Variants in MSRB2 observed in about 807,000 individuals in gnomAD.
MSRB2 encodes methionine sulfoxide reductase B2, also known as methionine-R-sulfoxide reductase B2, mitochondrial.
In MSRB2, 17 loss-of-function variants were observed where a neutral mutation model predicts 19.0. That is an observed-to-expected ratio of 0.89 (90% CI 0.61 to 1.34). The LOEUF (loss-of-function observed/expected upper bound fraction) is 1.34. Among genes scored for constraint, MSRB2 ranks in the 40% most tolerant of loss-of-function variants. The pLI is 0.00. For synonymous variants in MSRB2, 107 were observed against 99.7 expected (o/e 1.07, Z -0.44); for missense variants, 208 against 237.6 (o/e 0.88, Z 0.82).
intron 2 of MSRB2, among the ~76,000 whole-genome samples, chr10:23,106,828 C>T (rs989819401): frequency 9.2e-5 from 14 of 152,182 alleles, no homozygotes; most frequent in African/African-American, 3.4e-4. Context: ...CCATTGGCCC[C>T]GTCTGCACCT....
intron 3 of MSRB2, among the ~76,000 whole-genome samples, chr10:23,112,449 G>A (rs774712297): frequency 3.9e-5 from 6 of 152,178 alleles, no homozygotes; most frequent in Non-Finnish European, 5.9e-5. Flanking sequence ...CCTGTAAAAT[G>A]AAGATAATAG....
At position 23,121,779 on chromosome 10, in the gene MSRB2, C is replaced by G. The variant is rs1840186474; in HGVS notation, c.*917C>G. 1 of 152,160 alleles carries G rather than the reference C, an allele frequency of 6.6e-6. No individual in the cohort carries two copies. The highest frequency in any genetic ancestry group is 1.5e-5 in the Non-Finnish European group (1 of 68,054). The allele number at this position is 152,160 out of a possible 1,614,324, so 9.4% of individuals were successfully genotyped here. On this transcript the variant is annotated 3_prime_UTR_variant, in exon 5 of 5. Transcript: ENST00000376510. Reference sequence around the variant, plus strand: ...AATCAACAATGCTAGCACTGAAGAGCAGGATTACGGAGGAGCTGTGCTCTG... The same window carrying G: ...AATCAACAATGCTAGCACTGAAGAGGAGGATTACGGAGGAGCTGTGCTCTG...
At chr10:23,098,061 AGG>A (rs1839885888) in intron 1 of MSRB2, among the ~76,000 whole-genome samples, 1 of 152,226 alleles carries the variant, frequency 6.6e-6, no homozygotes, top group Non-Finnish European at 1.5e-5. Flanking sequence ...CTGTTGCTTC[AGG>A]AAAATATTCT....
intron 3 of MSRB2, among the ~76,000 whole-genome samples, chr10:23,113,575 G>A (rs1235801308): frequency 8.5e-5 from 13 of 152,172 alleles, no homozygotes; most frequent in African/African-American, 3.1e-4. Context: ...GGGATGAATT[G>A]TGTCTCCCAA....
chr10:23,098,872 G>T (rs1224054688), intron 1 of MSRB2, among the ~76,000 whole-genome samples: 1 of 152,148 alleles, frequency 6.6e-6, no homozygotes, highest in African/African-American at 2.4e-5. Flanking sequence ...CAGCTTAAAC[G>T]ATGGAATTCA....
At chr10:23,104,351 C>T in intron 2 of MSRB2, 107 bp downstream of exon 2, 1 of 747,204 alleles carries the variant, frequency 1.3e-6, no homozygotes. Context: ...ACTCCACAGG[C>T]CTGGTCTTCC....
intron 3 of MSRB2, among the ~76,000 whole-genome samples, chr10:23,117,418 C>CT (rs896621911): frequency 1.3e-5 from 2 of 152,034 alleles, no homozygotes; most frequent in Non-Finnish European, 2.9e-5. Context: ...ATTCAGTTGT[C>CT]TTTTTTTTAA....
chr10:23,105,902 T>A (rs1839983323), intron 2 of MSRB2, among the ~76,000 whole-genome samples: 1 of 152,248 alleles, frequency 6.6e-6, no homozygotes, highest in Admixed American at 6.5e-5. Flanking sequence ...GGGATTTTAC[T>A]AAAGCCCTTG....
intron 3 of MSRB2, among the ~76,000 whole-genome samples, chr10:23,116,606 C>T (rs149194123): frequency 1.0e-3 from 159 of 152,268 alleles, no homozygotes; most frequent in African/African-American, 3.8e-3. Flanking sequence ...CATCCAGAAC[C>T]ACTTCATGGT....
At chr10:23,114,710 C>T (rs1210977417) in intron 3 of MSRB2, among the ~76,000 whole-genome samples, 6 of 152,312 alleles carry the variant, frequency 3.9e-5, no homozygotes, top group Admixed American at 1.3e-4. Context: ...CTCTCGGCAG[C>T]TCCCCGTAGT....
chr10:23,096,430 A>G lies in MSRB2; in HGVS notation c.118+704A>G, dbSNP rs933571474. 3.0e-4 allele frequency among the ~76,000 whole-genome samples: 45 copies of G among 149,394 alleles called. 1 individual carries two copies. Among genetic ancestry groups the G allele is most frequent in the South Asian group, 2.1e-4 (1 of 4,762 alleles). On this transcript the variant is annotated intron_variant, in intron 1 of 4. Coordinates refer to ENST00000376510, the MANE Select transcript of MSRB2 (RefSeq NM_012228.4). ...ATCTGGGTACCTGCACATTTCACCA[A>G]GCAGGAAGGAGTCACCTCGGGAGAC...
intron 1 of MSRB2, among the ~76,000 whole-genome samples, chr10:23,097,552 C>G (rs1191668030): frequency 6.6e-6 from 1 of 152,194 alleles, no homozygotes. Flanking sequence ...ACCTCCCAAG[C>G]CCCACCTCCA....
In MSRB2 at chr10:23,095,716, G is replaced by T. The variant is rs919034580; in HGVS notation, c.108G>T (p.Leu36=). ...GGGGPGTGPG[L]GEAGSLATCE... is the part of the protein sequence containing the mutation. ...GCGGGCCCGGCACCGGGCCGGGACT[G>T]GGGGAGGCAGGTAGGACGCGGGTCC... The change falls in exon 1 of 5, where the codon CTG becomes CTT. Residue 36 remains leucine (L), a synonymous_variant. Coordinates refer to ENST00000376510, the MANE Select transcript of MSRB2 (RefSeq NM_012228.4). 2.1e-5 allele frequency: 26 copies of T among 1,267,418 alleles called. No individual in the cohort carries two copies. Among genetic ancestry groups the T allele is most frequent in the South Asian group, 8.7e-5 (3 of 34,384 alleles). 78.5% of individuals were successfully genotyped at this position (1,267,418 alleles called of 1,614,324 possible).
At chr10:23,107,413 G>A (rs183448733) in intron 2 of MSRB2, among the ~76,000 whole-genome samples, 546 of 152,326 alleles carry the variant, frequency 3.6e-3, no homozygotes, top group Admixed American at 4.7e-3. Flanking sequence ...CTGCCTGCCA[G>A]AAATACTCTT....
intron 2 of MSRB2, among the ~76,000 whole-genome samples, chr10:23,104,802 C>T (rs541644401): frequency 1.9e-4 from 29 of 152,256 alleles, no homozygotes; most frequent in African/African-American, 7.0e-4. Flanking sequence ...GCTCCCTTCT[C>T]TTTTAAGGCC....
At chr10:23,118,965 C>T in intron 3 of MSRB2, 1 of 460,432 alleles carries the variant, frequency 2.2e-6, no homozygotes, top group Non-Finnish European at 4.4e-6. Context: ...TGATTTCTCC[C>T]CTTTTGACAT....
In MSRB2 at chr10:23,121,144, A is replaced by G; in HGVS notation, c.*282A>G. On this transcript the variant is annotated 3_prime_UTR_variant, in exon 5 of 5. Transcript: ENST00000376510. ...AACAAAATTAAAAAGAAAAAAAAAT[A>G]CCTGAGACTGAGTAACTTATAAAGA... The G allele has an allele frequency of 2.7e-6, 1 of 364,178 alleles. No homozygotes were observed. The highest frequency in any genetic ancestry group is 5.7e-5 in the South Asian group (1 of 17,514). 22.6% of individuals were successfully genotyped at this position (364,178 alleles called of 1,614,324 possible).
At chr10:23,105,973 T>C (rs1332421648) in intron 2 of MSRB2, among the ~76,000 whole-genome samples, 1 of 152,104 alleles carries the variant, frequency 6.6e-6, no homozygotes, top group Non-Finnish European at 1.5e-5. Flanking sequence ...CATGATACTC[T>C]GTGAGCAGTT....
intron 1 of MSRB2, among the ~76,000 whole-genome samples, chr10:23,102,120 C>T (rs1839931831): frequency 6.6e-6 from 1 of 152,134 alleles, no homozygotes; most frequent in African/African-American, 2.4e-5. Context: ...TTCATGTGCT[C>T]TTCCCCATCT....
Sources: allele counts gnomAD v4.1 joint callset (sites outside exome capture counted in the v4.1 genomes callset), GRCh38; gene constraint gnomAD v4.1.1; transcripts MANE v1.5; gene names NCBI Gene and HGNC (gene_info 2026-07-23, HGNC 2026-07-21).